Variants in MPRIP observed in about 807,000 individuals in gnomAD.
The protein encoded by MPRIP is myosin phosphatase Rho-interacting protein.
In MPRIP, 59 loss-of-function variants were observed where a neutral mutation model predicts 234.9. The observed-to-expected ratio is 0.25, with a 90% CI of 0.20 to 0.31. MPRIP has a LOEUF of 0.31. Among genes scored for constraint, MPRIP ranks in the 10% least tolerant of loss-of-function variants. The pLI is 1.00. For missense variants in MPRIP, 2,436 were observed against 3,071.0 expected (o/e 0.79, Z 4.89); for synonymous variants, 1,144 against 1,263.9 (o/e 0.91, Z 2.01).
chr17:17,165,832 C>A lies in MPRIP; in HGVS notation c.4241C>A (p.Ala1414Glu), dbSNP rs965629732. The A allele has an allele frequency of 1.5e-6, 2 of 1,304,102 alleles. No individual in the cohort carries two copies. The highest frequency in any genetic ancestry group is 2.0e-6 in the Non-Finnish European group (2 of 988,992). 80.8% of individuals were successfully genotyped at this position (1,304,102 alleles called of 1,614,324 possible). The change falls in exon 16 of 24, where the codon GCA (alanine) becomes GAA (glutamate). Residue 1414 changes from alanine (A) to glutamate (E), a missense_variant. Around this residue, in one of 4 missense-constraint regions of MPRIP, gnomAD observed 1,998 missense variants for 2,520.3 expected, o/e 0.79. Transcript: ENST00000651222. ...AGCCAGCAGGGTCAGAGCCGTGAGGCACTGCTCGCACTGCACCACCAGTGG... is the reference window on the plus strand; with the variant it reads ...AGCCAGCAGGGTCAGAGCCGTGAGGAACTGCTCGCACTGCACCACCAGTGG... The part of the protein sequence containing the change: ...LESQQGQSRE[A>E]LLALHHQWAG...
At chr17:17,066,163 C>T (rs112458709) in intron 1 of MPRIP, among the ~76,000 whole-genome samples, 5 of 152,126 alleles carry the variant, frequency 3.3e-5, no homozygotes, top group African/African-American at 7.2e-5. Context: ...TAGAAATTCG[C>T]GCACTATGTT....
At chr17:17,180,786 T>G in intron 23 of MPRIP, 1 of 1,120,604 alleles carries the variant, frequency 8.9e-7, no homozygotes, top group South Asian at 1.3e-5. Flanking sequence ...CAAATCCAAG[T>G]GAGGTTTCTT....
At chr17:17,074,970 C>A (rs556923031) in intron 1 of MPRIP, among the ~76,000 whole-genome samples, 17 of 152,228 alleles carry the variant, frequency 1.1e-4, no homozygotes, top group African/African-American at 3.9e-4. Flanking sequence ...TTTATTTGAG[C>A]CCCTGTTTTC....
intron 6 of MPRIP, 55 bp downstream of exon 6, chr17:17,136,505 G>C: frequency 6.6e-7 from 1 of 1,522,794 alleles, no homozygotes; most frequent in Non-Finnish European, 8.9e-7. Flanking sequence ...CCTCCCATCA[G>C]AGCTGGCCCT....
intron 1 of MPRIP, among the ~76,000 whole-genome samples, chr17:17,060,250 G>T (rs1423340762): frequency 6.6e-6 from 1 of 152,182 alleles, no homozygotes; most frequent in African/African-American, 2.4e-5. Context: ...GGGTCCCTAA[G>T]CCCCCACTTG....
rs565921129 is a variant in MPRIP, at chr17:17,089,495, T to G, written c.267+11419T>G. On this transcript the variant is annotated intron_variant, in intron 3 of 23. Transcript: ENST00000651222. ...CATTTTTTATTTTTTAGAGATTGGG[T>G]TTTTTTTTGTCACCTATCCTGGAGT... Among the ~76,000 whole-genome samples the G allele has an allele frequency of 1.7e-3, 259 of 151,584 alleles. 1 individual carries two copies. The highest frequency in any genetic ancestry group is 3.1e-3 in the South Asian group (15 of 4,786).
chr17:17,143,429 G>A, intron 8 of MPRIP, 127 bp from the exon 9 acceptor site: 1 of 561,366 alleles, frequency 1.8e-6, no homozygotes, highest in Non-Finnish European at 3.0e-6. Flanking sequence ...TGGTGGCTAG[G>A]CAGATCACTG....
intron 3 of MPRIP, among the ~76,000 whole-genome samples, chr17:17,099,111 A>G (rs754969067): frequency 1.3e-5 from 2 of 151,978 alleles, no homozygotes; most frequent in Non-Finnish European, 2.9e-5. Context: ...CTACTCAGAA[A>G]CCCAAAAATA....
intron 13 of MPRIP, among the ~76,000 whole-genome samples, chr17:17,158,221 C>T (rs117340532): frequency 0.042 from 6,352 of 152,040 alleles, 218 homozygotes; most frequent in East Asian, 0.14. Context: ...CCGTCCCCCT[C>T]CCCCTCCCCC....
intron 20 of MPRIP, among the ~76,000 whole-genome samples, chr17:17,176,012 G>A (rs1456052988): frequency 6.6e-6 from 1 of 152,204 alleles, no homozygotes; most frequent in Admixed American, 6.5e-5. Flanking sequence ...CCTGCCCCGA[G>A]TCCAGGTGTT....
chr17:17,042,467 A>G lies in MPRIP; in HGVS notation c.-382A>G, dbSNP rs1158766872. The G allele has an allele frequency of 2.1e-5, 3 of 144,078 alleles. No homozygotes were observed. The highest frequency in any genetic ancestry group is 4.6e-5 in the Non-Finnish European group (3 of 65,178). The allele number at this position is 144,078 out of a possible 1,614,324, so 8.9% of individuals were successfully genotyped here. A position where few individuals can be genotyped will look rare whatever the true frequency, so the allele number is the denominator to read the frequency against. ...CGCCCGCCCGCCCCCGTAGTGCGTG[A>G]GGCGCTCCGGTCCCATTTGCAGCGG... On this transcript the variant is annotated 5_prime_UTR_variant, in exon 1 of 24. Transcript: ENST00000651222.
intron 1 of MPRIP, among the ~76,000 whole-genome samples, chr17:17,048,001 G>A (rs143066130): frequency 1.3e-5 from 2 of 152,244 alleles, no homozygotes; most frequent in Non-Finnish European, 2.9e-5. Context: ...GGAGAAGCAG[G>A]TCTGGAACCC....
chr17:17,096,954 A>C (rs1312602159), intron 3 of MPRIP: 3 of 379,994 alleles, frequency 7.9e-6, no homozygotes, highest in Non-Finnish European at 1.6e-5. Flanking sequence ...CATCGCAGGG[A>C]GCATAAGCAC....
At chr17:17,108,999 G>A (rs1267190582) in intron 3 of MPRIP, among the ~76,000 whole-genome samples, 2 of 152,206 alleles carry the variant, frequency 1.3e-5, no homozygotes, top group African/African-American at 2.4e-5. Flanking sequence ...CGGCTGTGGT[G>A]CGCAGATTTC....
chr17:17,161,189 T>C (rs765213626), intron 14 of MPRIP, 51 bp from the exon 15 acceptor site: 29 of 1,368,290 alleles, frequency 2.1e-5, no homozygotes, highest in Non-Finnish European at 2.9e-5. Flanking sequence ...GTGCAGCTGC[T>C]TTGTTTATCA....
At chr17:17,068,872 C>G (rs1441829759) in intron 1 of MPRIP, among the ~76,000 whole-genome samples, 1 of 152,020 alleles carries the variant, frequency 6.6e-6, no homozygotes, top group East Asian at 1.9e-4. Flanking sequence ...CCTTCTTTTT[C>G]TTGCTTTTGA....
At chr17:17,144,119 A>G (rs763484597) in intron 9 of MPRIP, among the ~76,000 whole-genome samples, 4 of 152,196 alleles carry the variant, frequency 2.6e-5, no homozygotes, top group African/African-American at 7.2e-5. Flanking sequence ...CCTCAGAGCT[A>G]TGACAACAGA....
intron 3 of MPRIP, among the ~76,000 whole-genome samples, chr17:17,106,564 G>C (rs1176156769): frequency 6.6e-6 from 1 of 152,180 alleles, no homozygotes; most frequent in Non-Finnish European, 1.5e-5. Context: ...CCTCCTTCCA[G>C]AACCGGATCT....
At chr17:17,160,050 T>TG (rs1175707553) in intron 14 of MPRIP, among the ~76,000 whole-genome samples, 3 of 152,192 alleles carry the variant, frequency 2.0e-5, no homozygotes, top group Middle Eastern at 3.2e-3. Context: ...CTCAACAATC[T>TG]GGGGGGTCAG....
Sources: gnomAD v4.1 joint callset for allele counts (sites outside exome capture counted in the v4.1 genomes callset) on GRCh38, gnomAD v4.1.1 for gene constraint, gnomAD v4.1.1 regional missense constraint, MANE v1.5 for transcripts, NCBI Gene and HGNC (gene_info 2026-07-23, HGNC 2026-07-21) for gene names.